Variants in AGMO observed in about 807,000 individuals in gnomAD.
The protein encoded by AGMO is glyceryl-ether monooxygenase.
AGMO carries 75 observed loss-of-function variants against 60.2 expected under a neutral mutation model. That is an observed-to-expected ratio of 1.25 (90% CI 1.03 to 1.51). The LOEUF is 1.51. AGMO is among the 40% of genes most tolerant of loss of function. AGMO has a pLI of 0.00. For synonymous variants in AGMO, 261 were observed against 177.1 expected, an observed-to-expected ratio of 1.47 and a Z score of -3.76; for missense variants, 763 against 525.5, an observed-to-expected ratio of 1.45 and a Z score of -4.42.
chr7:15,535,619 C>A (rs1174882566), intron 3 of AGMO, among the ~76,000 whole-genome samples: 5 of 151,826 alleles, frequency 3.3e-5, no homozygotes, highest in African/African-American at 1.2e-4. Context: ...AGGATGTAAG[C>A]ACCCAAAGGG....
At chr7:15,170,412 T>C in the AGMO span, among the ~76,000 whole-genome samples, 41 of 152,234 alleles carry the variant, frequency 2.7e-4, no homozygotes, top group African/African-American at 9.9e-4. Context: ...TAGAAAAATA[T>C]AGATAAACAA....
chr7:15,225,854 T>G (rs1782065673), intron 12 of AGMO, among the ~76,000 whole-genome samples: 1 of 152,066 alleles, frequency 6.6e-6, no homozygotes, highest in Non-Finnish European at 1.5e-5. Flanking sequence ...TTCAAATTCT[T>G]ATATTCAGTC....
intron 12 of AGMO, among the ~76,000 whole-genome samples, chr7:15,329,090 CTT>C (rs958629735): frequency 1.2e-4 from 18 of 152,252 alleles, no homozygotes; most frequent in African/African-American, 3.9e-4. Flanking sequence ...TTTCCCCTCT[CTT>C]TGTTGTCCCA....
At chr7:15,313,727 C>A (rs1563081643) in intron 12 of AGMO, among the ~76,000 whole-genome samples, 6 of 152,054 alleles carry the variant, frequency 3.9e-5, no homozygotes, top group Admixed American at 3.3e-4. Flanking sequence ...TCATACCAAA[C>A]CATATATATA....
At chr7:15,285,131 G>C (rs964015391) in intron 12 of AGMO, among the ~76,000 whole-genome samples, 6 of 151,684 alleles carry the variant, frequency 4.0e-5, no homozygotes, top group African/African-American at 1.5e-4. Context: ...CATACTGAAT[G>C]GTGAAAAGTT....
In AGMO at chr7:15,306,014, T is replaced by C. The variant is rs1400975381; in HGVS notation, c.1263+59500A>G. Among the ~76,000 whole-genome samples, 4 of 152,036 alleles carry C rather than the reference T, an allele frequency of 2.6e-5. No homozygotes were observed. In the East Asian group the frequency reaches 7.7e-4, roughly 29 times the overall value. Reference sequence around the variant, plus strand: ...TTCATAAATTCTAAACATTTAAATATGACTAACATAAATTTTATGGTAACT... The same window carrying C: ...TTCATAAATTCTAAACATTTAAATACGACTAACATAAATTTTATGGTAACT... On this transcript the variant is annotated intron_variant, in intron 12 of 12. Transcript: ENST00000342526.
At chr7:15,217,954 CTG>C (rs1247725334) in intron 12 of AGMO, among the ~76,000 whole-genome samples, 1 of 152,048 alleles carries the variant, frequency 6.6e-6, no homozygotes, top group South Asian at 2.1e-4. Context: ...TGTAGGTAAA[CTG>C]TGTGTCCTGG....
At chr7:15,425,294 A>G (rs1781029816) in intron 4 of AGMO, among the ~76,000 whole-genome samples, 1 of 152,126 alleles carries the variant, frequency 6.6e-6, no homozygotes, top group African/African-American at 2.4e-5. Context: ...AATATAAATG[A>G]ATATATTTTT....
chr7:15,206,308 T>C (rs755094062), intron 12 of AGMO, among the ~76,000 whole-genome samples: 20 of 152,136 alleles, frequency 1.3e-4, no homozygotes, highest in Middle Eastern at 3.4e-3. Flanking sequence ...TTACAAGAAA[T>C]TGAGAATTGT....
intron 12 of AGMO, among the ~76,000 whole-genome samples, chr7:15,321,389 C>T (rs561663497): frequency 6.4e-4 from 97 of 152,234 alleles, no homozygotes; most frequent in African/African-American, 2.2e-3. Flanking sequence ...GAGTGAAATA[C>T]TTTCTTGTAC....
In AGMO at chr7:15,232,801, G is replaced by GCACACACACACACA. The variant is rs71004371; in HGVS notation, c.1264-31456_1264-31443dup. On this transcript the variant is annotated intron_variant, in intron 12 of 12. Coordinates refer to ENST00000342526, the MANE Select transcript of AGMO (RefSeq NM_001004320.2). Reference sequence around the variant, plus strand: ...TTAAACATGGAAACCACACACACACGCACACACACACACACACACACACAC... The same window carrying GCACACACACACACA: ...TTAAACATGGAAACCACACACACACGCACACACACACACACACACACACACACACACACACACAC... Among the ~76,000 whole-genome samples, 892 of 147,108 alleles carry GCACACACACACACA rather than the reference G, an allele frequency of 6.1e-3. 7 individuals are homozygous for GCACACACACACACA. Among genetic ancestry groups the GCACACACACACACA allele is most frequent in the Middle Eastern group, 0.017 (5 of 290 alleles).
intron 12 of AGMO, among the ~76,000 whole-genome samples, chr7:15,214,623 G>A (rs1244263493): frequency 2.6e-5 from 4 of 151,870 alleles, no homozygotes; most frequent in Non-Finnish European, 5.9e-5. Flanking sequence ...AAAGAGCAGA[G>A]GAAAAAAATG....
chr7:15,151,795 T>C, the AGMO span, among the ~76,000 whole-genome samples: 13 of 152,128 alleles, frequency 8.5e-5, no homozygotes. Context: ...TGTTGAGTTA[T>C]GTATTCTGCA....
intron 10 of AGMO, among the ~76,000 whole-genome samples, chr7:15,384,388 C>T (rs73302371): frequency 0.035 from 5,299 of 152,200 alleles, 304 homozygotes; most frequent in African/African-American, 0.12. Flanking sequence ...GTTCAGTTGC[C>T]TCACTGGATT....
intron 10 of AGMO, among the ~76,000 whole-genome samples, chr7:15,378,036 AAAAACAAACAGT>A (rs1783524197): frequency 6.6e-6 from 1 of 152,044 alleles, no homozygotes; most frequent in South Asian, 2.1e-4. Flanking sequence ...CACAGGTAAG[AAAAACAAACAGT>A]AACTATATGT....
At chr7:15,146,766 C>G in the AGMO span, among the ~76,000 whole-genome samples, 258 of 152,232 alleles carry the variant, frequency 1.7e-3, 1 homozygote, top group African/African-American at 5.2e-3. Flanking sequence ...ATAAAACATT[C>G]CCTGCAGATT....
In AGMO at chr7:15,203,293, C is replaced by CAA. The variant is rs548031469; in HGVS notation, c.1264-1936_1264-1935dup. Among the ~76,000 whole-genome samples, 21 of 152,170 alleles carry CAA rather than the reference C, an allele frequency of 1.4e-4. No individual in the cohort carries two copies. The East Asian group carries it at 3.9e-3, about 28-fold the overall frequency. ...CCTAAATAGGAAGTGGAAAAGATTA[C>CAA]AAGTCTAGTTATGCCTTGTTATTAA... On this transcript the variant is annotated intron_variant, in intron 12 of 12. Transcript: ENST00000342526.
intron 2 of AGMO, among the ~76,000 whole-genome samples, chr7:15,549,450 C>G (rs931276778): frequency 4.0e-5 from 6 of 151,670 alleles, no homozygotes; most frequent in African/African-American, 1.5e-4. Context: ...CACATAGGCT[C>G]AAAATAAAAG....
intron 12 of AGMO, among the ~76,000 whole-genome samples, chr7:15,354,415 T>TATATAGACGC (rs1563105415): frequency 4.8e-4 from 11 of 23,092 alleles, no homozygotes; most frequent in African/African-American, 5.2e-4. Flanking sequence ...TACACACGTG[T>TATATAGACGC]GTGTATACAC....
Sources: allele counts gnomAD v4.1 joint callset (sites outside exome capture counted in the v4.1 genomes callset), GRCh38; gene constraint gnomAD v4.1.1; transcripts MANE v1.5; gene names NCBI Gene and HGNC (gene_info 2026-07-23, HGNC 2026-07-21).